The following ENPP3 variants were observed in gnomAD, a reference collection of about 807,000 sequenced individuals.
ENPP3 encodes ectonucleotide pyrophosphatase/phosphodiesterase 3, also known as ectonucleotide pyrophosphatase/phosphodiesterase family member 3.
A neutral mutation model predicts 117.8 loss-of-function variants in ENPP3; 104 were observed. The observed-to-expected ratio is 0.88, with a 90% CI of 0.75 to 1.04. The LOEUF (loss-of-function observed/expected upper bound fraction) is 1.04. Ranked by LOEUF, ENPP3 falls within the 50% of genes least tolerant of loss-of-function variation. The probability of loss-of-function intolerance (pLI) is 0.00; values close to 1 mark genes in which losing one functional copy is unlikely to be tolerated. For missense variants in ENPP3, 1,026 were observed against 1,051.9 expected (o/e 0.98, Z 0.34); for synonymous variants, 380 against 349.9 (o/e 1.09, Z -0.96).
In ENPP3 at chr6:131,641,495, G is replaced by A. The variant is rs755092228; in HGVS notation, c.119G>A (p.Gly40Asp). 5 of 1,612,162 alleles carry A rather than the reference G, an allele frequency of 3.1e-6. No homozygotes were observed. The highest frequency in any genetic ancestry group is 4.2e-6 in the Non-Finnish European group (5 of 1,178,566). The change falls in exon 2 of 25, where the codon GGC (glycine) becomes GAC (aspartate). Residue 40 changes from glycine (G) to aspartate (D), a missense_variant. By Grantham distance (94) the Gly-to-Asp change is moderately conservative (BLOSUM62 -1). Coordinates refer to ENST00000357639, the MANE Select transcript of ENPP3 (RefSeq NM_005021.5). ...CTGGTGATCATGTCACTTGGATTAG[G>A]CCTGGGGCTTGGACTCAGGAAACTG... Reference protein sequence around the residue: ...ALLVIMSLGLGLGLGLRKLEK... With the variant: ...ALLVIMSLGLDLGLGLRKLEK...
chr6:131,715,992 C>T (rs1035073255), intron 15 of ENPP3, among the ~76,000 whole-genome samples: 1 of 151,494 alleles, frequency 6.6e-6, no homozygotes, highest in Non-Finnish European at 1.5e-5. Flanking sequence ...TGGCGATCTG[C>T]TTATGTGTAG....
intron 15 of ENPP3, among the ~76,000 whole-genome samples, chr6:131,694,923 G>C (rs1216236077): frequency 6.6e-6 from 1 of 151,682 alleles, no homozygotes; most frequent in East Asian, 1.9e-4. Flanking sequence ...AGGGAATTAG[G>C]CTCCAACATT....
intron 6 of ENPP3, among the ~76,000 whole-genome samples, chr6:131,663,364 G>T (rs762566560): frequency 2.6e-5 from 4 of 151,340 alleles, no homozygotes; most frequent in Non-Finnish European, 5.9e-5. Flanking sequence ...ATATAATGGC[G>T]GTCCCATACA....
At chr6:131,660,430 C>A (rs1306135564) in intron 6 of ENPP3, among the ~76,000 whole-genome samples, 1 of 152,134 alleles carries the variant, frequency 6.6e-6, no homozygotes, top group Non-Finnish European at 1.5e-5. Flanking sequence ...TCTAATGAGG[C>A]AAGAACATTG....
chr6:131,721,853 A>C (rs1780040122), intron 17 of ENPP3, among the ~76,000 whole-genome samples: 1 of 152,214 alleles, frequency 6.6e-6, no homozygotes, highest in South Asian at 2.1e-4. Flanking sequence ...GAAACCATTC[A>C]TGAAAGTTCC....
intron 11 of ENPP3, among the ~76,000 whole-genome samples, chr6:131,679,505 T>C (rs887771151): frequency 1.3e-5 from 2 of 149,210 alleles, no homozygotes; most frequent in African/African-American, 2.5e-5. Flanking sequence ...TTAGGTACCA[T>C]GTCCTTTTTT....
At chr6:131,668,333 C>A (rs1261946439) in intron 6 of ENPP3, among the ~76,000 whole-genome samples, 9 of 148,304 alleles carry the variant, frequency 6.1e-5, no homozygotes, top group Non-Finnish European at 1.2e-4. Flanking sequence ...CTGTCTCGCC[C>A]CCCCCTGAGG....
intron 24 of ENPP3, among the ~76,000 whole-genome samples, chr6:131,743,473 A>G (rs899936537): frequency 3.9e-5 from 6 of 152,084 alleles, no homozygotes; most frequent in African/African-American, 1.2e-4. Flanking sequence ...AAACCCTAAG[A>G]CTTCCCAATA....
chr6:131,667,167 G>T (rs1156407643), intron 6 of ENPP3, among the ~76,000 whole-genome samples: 2 of 151,530 alleles, frequency 1.3e-5, no homozygotes, highest in African/African-American at 4.9e-5. Context: ...TTTTTTCTCT[G>T]TGCTGTGCCA....
At chr6:131,671,924 C>T (rs902850328) in intron 7 of ENPP3, among the ~76,000 whole-genome samples, 6 of 152,108 alleles carry the variant, frequency 3.9e-5, no homozygotes, top group Non-Finnish European at 2.9e-5. Context: ...TTTAAGGCAT[C>T]GGCTGCCTCA....
rs186101456 is a variant in ENPP3, at chr6:131,735,512, C to T, written c.2089+1789C>T. Among the ~76,000 whole-genome samples, 325 of 152,022 alleles carry T rather than the reference C, an allele frequency of 2.1e-3. 1 individual carries two copies. Among genetic ancestry groups the T allele is most frequent in the Non-Finnish European group, 4.1e-3 (276 of 67,976 alleles). On this transcript the variant is annotated intron_variant, in intron 21 of 24. Transcript: ENST00000357639. ...GTGCATGCCTGTAATCCCACCTACTCGGGAGGCTGAGGCAGGAGGATCGCT... is the reference window on the plus strand; with the variant it reads ...GTGCATGCCTGTAATCCCACCTACTTGGGAGGCTGAGGCAGGAGGATCGCT...
intron 17 of ENPP3, among the ~76,000 whole-genome samples, chr6:131,721,234 G>A (rs1562472926): frequency 6.6e-6 from 1 of 152,202 alleles, no homozygotes; most frequent in African/African-American, 2.4e-5. Context: ...TGAGTAAGCT[G>A]CAATTTCGCT....
rs761253181 is a variant in ENPP3 at position 131,746,893 on chromosome 6, G to A, written c.2565G>A (p.Val855=). 1.4e-4 allele frequency: 218 copies of A among 1,611,710 alleles called. No individual in the cohort carries two copies. The highest frequency in any genetic ancestry group is 1.8e-4 in the Non-Finnish European group (211 of 1,178,824). Residue 855 remains valine (V), a synonymous_variant, in exon 25 of 25, where the codon GTG becomes GTA. Coordinates refer to ENST00000357639, the MANE Select transcript of ENPP3 (RefSeq NM_005021.5). The part of the protein sequence containing the change: ...LTGLDFYQDK[V]QPVSEILQLK... ...GGCTTGACTTCTATCAGGATAAAGT[G>A]CAGCCTGTCTCTGAAATTTTGCAAC...
chr6:131,684,079 C>G (rs139122411), intron 12 of ENPP3, among the ~76,000 whole-genome samples: 276 of 152,172 alleles, frequency 1.8e-3, no homozygotes, highest in African/African-American at 6.1e-3. Flanking sequence ...AGTGCCTACT[C>G]AATGATAGGT....
At chr6:131,642,034 A>G (rs536348357) in intron 2 of ENPP3, among the ~76,000 whole-genome samples, 3 of 151,930 alleles carry the variant, frequency 2.0e-5, no homozygotes, top group African/African-American at 7.2e-5. Context: ...GGCTCAAGTG[A>G]TCCACCCACC....
intron 9 of ENPP3, among the ~76,000 whole-genome samples, chr6:131,675,865 A>G (rs997913029): frequency 1.3e-5 from 2 of 152,152 alleles, no homozygotes; most frequent in Non-Finnish European, 2.9e-5. Context: ...AAAATTAAAT[A>G]AAATAAAATG....
intron 2 of ENPP3, among the ~76,000 whole-genome samples, chr6:131,643,669 G>A (rs1430376138): frequency 1.3e-5 from 2 of 152,020 alleles, no homozygotes; most frequent in African/African-American, 4.8e-5. Context: ...TTTTTCTAAT[G>A]TGAGTTTTAA....
At chr6:131,745,305 A>G (rs1172519614) in intron 24 of ENPP3, among the ~76,000 whole-genome samples, 1 of 152,060 alleles carries the variant, frequency 6.6e-6, no homozygotes, top group Non-Finnish European at 1.5e-5. Context: ...TGAATCTGAC[A>G]CAAGTGCTTT....
At position 131,729,469 on chromosome 6, in the gene ENPP3, G is replaced by A. The variant is rs139467613; in HGVS notation, c.1953+3269G>A. ...CAGACTAAAAGTACAAGCAGCTCACGTTCCTGTCTATACTCATCATTTACT... is the reference window on the plus strand; with the variant it reads ...CAGACTAAAAGTACAAGCAGCTCACATTCCTGTCTATACTCATCATTTACT... On this transcript the variant is annotated intron_variant, in intron 20 of 24. Transcript: ENST00000357639. Among the ~76,000 whole-genome samples, 3 of 152,084 alleles carry A rather than the reference G, an allele frequency of 2.0e-5. 1 individual carries two copies. Among genetic ancestry groups the A allele is most frequent in the South Asian group, 4.1e-4 (2 of 4,824 alleles).
Sources: allele counts gnomAD v4.1 joint callset (sites outside exome capture counted in the v4.1 genomes callset), GRCh38; gene constraint gnomAD v4.1.1; transcripts MANE v1.5; gene names NCBI Gene and HGNC (gene_info 2026-07-23, HGNC 2026-07-21).